Variants in FRMD7 observed in about 807,000 individuals in gnomAD.
FRMD7 encodes FERM domain-containing protein 7.
Under a neutral mutation model 44.1 loss-of-function variants are expected in FRMD7, and 14 were observed. That is an observed-to-expected ratio of 0.32 (90% CI 0.21 to 0.50). The LOEUF is 0.50. Ranked by LOEUF, FRMD7 falls within the 20% of genes least tolerant of loss-of-function variation. FRMD7 has a pLI of 0.99. For missense variants in FRMD7, 501 were observed against 522.3 expected (o/e 0.96, Z 0.40); for synonymous variants, 212 against 187.4 (o/e 1.13, Z -1.07).
rs1168224329 is a variant in FRMD7, at chrX:132,088,585, GA to G, written c.383-2552del. Among the ~76,000 whole-genome samples, 3 of 107,357 alleles carry G rather than the reference GA, an allele frequency of 2.8e-5. No individual in the cohort carries two copies. The Admixed American group carries it at 3.0e-4, about 11-fold the overall frequency. 93.2% of individuals were successfully genotyped at this position (107,357 alleles called of 115,157 possible). A position where few individuals can be genotyped will look rare whatever the true frequency, so the allele number is the denominator to read the frequency against. On this transcript the variant is annotated intron_variant, in intron 5 of 11. Coordinates refer to ENST00000298542, the MANE Select transcript of FRMD7 (RefSeq NM_194277.3). ...AAAAAAAAAAAGGAAAAAAAGGAAA[GA>G]AAAAAAATCCCAAGGAACCTATGAA... is the stretch of plus-strand genomic sequence containing the variant.
chrX:132,078,316 T>C lies in FRMD7; in HGVS notation c.1701A>G (p.Leu567=). The change falls in exon 12 of 12, where the codon CTA becomes CTG. Residue 567 remains leucine, a synonymous_variant. Transcript: ENST00000298542. The stretch of plus-strand genomic sequence containing the variant: ...CTTCCAAATTTGGGTCTTCCTCTTC[T>C]AGACCTACATTGATGTTGCTCCTAC... ...TSGRSNINVG[L]EEEDPNLEDA... 1 of 1,212,007 alleles carries C rather than the reference T, an allele frequency of 8.3e-7. No homozygotes were observed. The highest frequency in any genetic ancestry group is 1.8e-5 in the South Asian group (1 of 57,032).
chrX:132,105,943 G>A (rs1457344435), intron 1 of FRMD7, among the ~76,000 whole-genome samples: 1 of 111,730 alleles, frequency 9.0e-6, no homozygotes, highest in Non-Finnish European at 1.9e-5. Flanking sequence ...CCTGGACATA[G>A]GAATGGGCAA....
At chrX:132,085,226 G>T (rs1927944471) in intron 7 of FRMD7, among the ~76,000 whole-genome samples, 1 of 111,096 alleles carries the variant, frequency 9.0e-6, no homozygotes, top group Non-Finnish European at 1.9e-5. Context: ...TGGCTTTCCT[G>T]GTCGGTCCAA....
chrX:132,113,798 C>A (rs775715398), intron 1 of FRMD7, among the ~76,000 whole-genome samples: 1 of 111,242 alleles, frequency 9.0e-6, no homozygotes, highest in Non-Finnish European at 1.9e-5. Context: ...CAATTACACT[C>A]TTTTAGTTAT....
chrX:132,127,999 T>C lies in FRMD7; in HGVS notation c.-155A>G, dbSNP rs976965918. ...GGGGCACACTTCCGTTTGCTTGAAGTAATGCACACCCAAGGGCATTTGTGC... is the reference window on the plus strand; with the variant it reads ...GGGGCACACTTCCGTTTGCTTGAAGCAATGCACACCCAAGGGCATTTGTGC... On this transcript the variant is annotated 5_prime_UTR_variant, in exon 1 of 12. Coordinates refer to ENST00000298542, the MANE Select transcript of FRMD7 (RefSeq NM_194277.3). The C allele has an allele frequency of 1.4e-5, 7 of 518,009 alleles. No individual in the cohort carries two copies. The highest frequency in any genetic ancestry group is 2.5e-5 in the Non-Finnish European group (7 of 285,671). The allele number at this position is 518,009 out of a possible 1,213,427, so 42.7% of individuals were successfully genotyped here. A position where few individuals can be genotyped will look rare whatever the true frequency, so the allele number is the denominator to read the frequency against.
intron 1 of FRMD7, among the ~76,000 whole-genome samples, chrX:132,104,339 T>C (rs1162784399): frequency 8.9e-6 from 1 of 111,797 alleles, no homozygotes; most frequent in Non-Finnish European, 1.9e-5. Flanking sequence ...GTAGAAACTT[T>C]CTTAACCAAC....
At chrX:132,124,063 A>AGTGTGTGCACACATGCATGTGC (rs1461628161) in intron 1 of FRMD7, among the ~76,000 whole-genome samples, 1 of 111,553 alleles carries the variant, frequency 9.0e-6, no homozygotes, top group Non-Finnish European at 1.9e-5. Flanking sequence ...TGTGTGTGAG[A>AGTGTGTGCACACATGCATGTGC]GTGTGTGCAC....
At position 132,078,865 on chromosome X, in the gene FRMD7, T is replaced by A; in HGVS notation, c.1152A>T (p.Ala384=). 8.3e-7 allele frequency: 1 copy of A among 1,206,550 alleles called. No homozygotes were observed. The highest frequency in any genetic ancestry group is 1.1e-6 in the Non-Finnish European group (1 of 890,984). Residue 384 remains alanine, a synonymous_variant, in exon 12 of 12, where the codon GCA becomes GCT. Coordinates refer to ENST00000298542, the MANE Select transcript of FRMD7 (RefSeq NM_194277.3). The part of the protein sequence containing the change: ...PVLESRRRNS[A]LEVTFATELE... ...GCTCAGTTGCAAATGTCACCTCCAA[T>A]GCAGAATTCCTCCTCCTACTCTCCA...
At chrX:132,113,692 G>C (rs1009294625) in intron 1 of FRMD7, among the ~76,000 whole-genome samples, 1 of 111,106 alleles carries the variant, frequency 9.0e-6, no homozygotes, top group African/African-American at 3.3e-5. Context: ...GGGTACAGGA[G>C]ATGTTTTGAT....
At chrX:132,125,780 C>T (rs181287628) in intron 1 of FRMD7, among the ~76,000 whole-genome samples, 189 of 111,281 alleles carry the variant, frequency 1.7e-3, no homozygotes, top group African/African-American at 5.5e-3. Flanking sequence ...TAATGTGCAT[C>T]GGCAATACTG....
rs1221247489 is a variant in FRMD7 at position 132,078,654 on chromosome X, T to C, written c.1363A>G (p.Asn455Asp). Reference sequence around the variant, plus strand: ...AGGCCAGAATATATGCTCATGTGATTACCAGAAAACTTACAGCTTGTTTGG... The same window carrying C: ...AGGCCAGAATATATGCTCATGTGATCACCAGAAAACTTACAGCTTGTTTGG... ...SFQTSCKFSG[N>D]HMSIYSGLTS... Residue 455 changes from asparagine (N) to aspartate (D), a missense_variant, in exon 12 of 12, where the codon AAT (asparagine) becomes GAT (aspartate). Physicochemically the swap from Asn to Asp is conservative, Grantham distance 23. Transcript: ENST00000298542. The C allele has an allele frequency of 8.3e-7, 1 of 1,211,825 alleles. No individual in the cohort carries two copies. The highest frequency in any genetic ancestry group is 1.7e-5 in the African/African-American group (1 of 57,886).
rs928267747 is a variant in FRMD7, at chrX:132,077,905, A to G, written c.2112T>C (p.Thr704=). 7.4e-6 allele frequency: 9 copies of G among 1,210,377 alleles called. No homozygotes were observed. The highest frequency in any genetic ancestry group is 3.5e-5 in the African/African-American group (2 of 57,881). ...YFNTPTAEDR[T]SLKPCNYFLA The stretch of plus-strand genomic sequence containing the variant: ...AAAAGTAATTACATGGTTTTAGTGA[A>G]GTCCTGTCTTCAGCAGTTGGTGTGT... The change falls in exon 12 of 12, where the codon ACT becomes ACC. Residue 704 remains threonine, a synonymous_variant. Transcript: ENST00000298542.
At chrX:132,085,364 T>G (rs1214854463) in intron 7 of FRMD7, among the ~76,000 whole-genome samples, 1 of 112,118 alleles carries the variant, frequency 8.9e-6, no homozygotes, top group African/African-American at 3.2e-5. Flanking sequence ...TCACCCCTAT[T>G]TCTGTCCCCA....
At chrX:132,096,614 G>A (rs1334186749) in intron 4 of FRMD7, among the ~76,000 whole-genome samples, 1 of 106,529 alleles carries the variant, frequency 9.4e-6, no homozygotes, top group Non-Finnish European at 1.9e-5. Context: ...AGTCCTTGGC[G>A]GGAAGCAGGG....
chrX:132,105,510 T>A (rs1039435509), intron 1 of FRMD7, among the ~76,000 whole-genome samples: 3 of 111,832 alleles, frequency 2.7e-5, no homozygotes, highest in African/African-American at 9.8e-5. Context: ...AAAAAAATTT[T>A]TTTAAATTCA....
chrX:132,078,684 A>T lies in FRMD7; in HGVS notation c.1333T>A (p.Ser445Thr), dbSNP rs1204485141. 2 of 1,209,835 alleles carry T rather than the reference A, an allele frequency of 1.7e-6. No homozygotes were observed. The highest frequency in any genetic ancestry group is 3.5e-5 in the African/African-American group (2 of 57,173). Residue 445 changes from serine to threonine, a missense_variant, in exon 12 of 12, where the codon TCC (serine) becomes ACC (threonine). Ser to Thr is a moderately conservative substitution (Grantham distance 58, BLOSUM62 1). Transcript: ENST00000298542. Reference sequence around the variant, plus strand: ...GAAAACTTACAGCTTGTTTGGAAGGAGCTTAGAGAACTCCTCTCTGAAAAA... The same window carrying T: ...GAAAACTTACAGCTTGTTTGGAAGGTGCTTAGAGAACTCCTCTCTGAAAAA... ...DIFSERSSLS[S>T]FQTSCKFSGN...
Position 132,100,070 on chromosome X carries a change from A to C in FRMD7, c.162+542T>G, listed in dbSNP as rs138034126. 3.5e-4 allele frequency among the ~76,000 whole-genome samples: 39 copies of C among 112,410 alleles called. No individual in the cohort carries two copies. The East Asian group carries it at 4.7e-3, about 14-fold the overall frequency. On this transcript the variant is annotated intron_variant, in intron 2 of 11. Coordinates refer to ENST00000298542, the MANE Select transcript of FRMD7 (RefSeq NM_194277.3). ...GAAAGGCAAAATTGATAAAGCATGC[A>C]TAGCTGCTCACAGAGTGACAAAACA...
chrX:132,081,623 C>A (rs1476300713), intron 9 of FRMD7, among the ~76,000 whole-genome samples: 1 of 112,458 alleles, frequency 8.9e-6, no homozygotes, highest in Non-Finnish European at 1.9e-5. Flanking sequence ...TTTAACAGAT[C>A]TTAATTTTTA....
intron 5 of FRMD7, among the ~76,000 whole-genome samples, chrX:132,087,551 C>T (rs1261765885): frequency 9.0e-6 from 1 of 111,453 alleles, no homozygotes; most frequent in Non-Finnish European, 1.9e-5. Context: ...TTTGCCAATA[C>T]TGATAAATGT....
Sources: allele counts gnomAD v4.1 joint callset (sites outside exome capture counted in the v4.1 genomes callset), GRCh38; gene constraint gnomAD v4.1.1; transcripts MANE v1.5; gene names NCBI Gene and HGNC (gene_info 2026-07-23, HGNC 2026-07-21).